Variants in PCDH15 observed in about 807,000 individuals in gnomAD.
PCDH15 encodes the protein protocadherin-15.
Under a neutral mutation model 178.5 loss-of-function variants are expected in PCDH15, and 129 were observed. That is an observed-to-expected ratio of 0.72 (90% CI 0.63 to 0.84). The LOEUF is 0.84. Ranked by LOEUF, PCDH15 falls within the 40% of genes least tolerant of loss-of-function variation. The pLI is 0.00. For missense variants in PCDH15, 2,230 were observed against 2,099.9 expected (o/e 1.06, Z -1.21); for synonymous variants, 800 against 732.0 (o/e 1.09, Z -1.50).
At chr10:54,301,134 C>T (rs1183181999) in intron 8 of PCDH15, among the ~76,000 whole-genome samples, 1 of 152,186 alleles carries the variant, frequency 6.6e-6, no homozygotes, top group African/African-American at 2.4e-5. Flanking sequence ...TCTTTAAGAG[C>T]TGTAACACTC....
intron 1 of PCDH15, among the ~76,000 whole-genome samples, chr10:55,210,143 A>T (rs1840519795): frequency 6.6e-6 from 1 of 152,040 alleles, no homozygotes; most frequent in African/African-American, 2.4e-5. Flanking sequence ...AATGAGATCC[A>T]GAAAAAAAAT....
At chr10:54,304,022 AG>A (rs57616814) in intron 8 of PCDH15, among the ~76,000 whole-genome samples, 8,266 of 152,106 alleles carry the variant, frequency 0.054, 694 homozygotes, top group African/African-American at 0.19. Context: ...CCCATGTTTT[AG>A]CGATTAGGAA....
chr10:55,483,300 A>G (rs117265392), intron 2 of PCDH15, among the ~76,000 whole-genome samples: 2,895 of 151,886 alleles, frequency 0.019, 76 homozygotes, highest in Admixed American at 0.072. Context: ...ATCCATAAAA[A>G]AGTGGGCAAA....
At chr10:54,646,380 G>A (rs955210239) in intron 2 of PCDH15, among the ~76,000 whole-genome samples, 3 of 152,072 alleles carry the variant, frequency 2.0e-5, no homozygotes, top group African/African-American at 7.2e-5. Flanking sequence ...CTGGAACCAA[G>A]CCCCAAGGAT....
intron 2 of PCDH15, among the ~76,000 whole-genome samples, chr10:55,422,553 A>T (rs1838648593): frequency 6.6e-6 from 1 of 151,880 alleles, no homozygotes; most frequent in Non-Finnish European, 1.5e-5. Context: ...TAACCTGCAG[A>T]ACATGTCTCA....
At chr10:55,012,443 A>C (rs996161595) in intron 2 of PCDH15, among the ~76,000 whole-genome samples, 2 of 152,104 alleles carry the variant, frequency 1.3e-5, no homozygotes, top group African/African-American at 4.8e-5. Context: ...CTGTGGCCAT[A>C]TCTTTCTCCT....
At chr10:54,316,552 A>ATG (rs1591763409) in intron 8 of PCDH15, among the ~76,000 whole-genome samples, 2 of 108,850 alleles carry the variant, frequency 1.8e-5, no homozygotes, top group East Asian at 4.0e-4. Context: ...ACACACACAC[A>ATG]CACACACACA....
At chr10:55,617,889 A>G (rs1843511312) in intron 2 of PCDH15, among the ~76,000 whole-genome samples, 1 of 152,048 alleles carries the variant, frequency 6.6e-6, no homozygotes, top group Admixed American at 6.6e-5. Context: ...ATTTTACTCT[A>G]ACTTTTAATT....
chr10:54,940,832 A>G (rs1838042768), intron 2 of PCDH15, among the ~76,000 whole-genome samples: 1 of 151,942 alleles, frequency 6.6e-6, no homozygotes, highest in African/African-American at 2.4e-5. Context: ...ATAGTTTATT[A>G]CTAATATGGT....
chr10:54,687,936 T>A (rs2135749480), intron 1 of PCDH15, among the ~76,000 whole-genome samples: 1 of 152,084 alleles, frequency 6.6e-6, no homozygotes, highest in Admixed American at 6.6e-5. Context: ...TCAAGCCAGG[T>A]AAAAAAGCCC....
chr10:55,238,673 C>T lies in PCDH15; in HGVS notation c.-155-72022G>A, dbSNP rs74897759. ...GGCAGAAAATAATTTATTTTTATTT[C>T]CATTTTATTTTTAAGTTCTTGAATC... On this transcript the variant is annotated intron_variant, in intron 1 of 5. Transcript: ENST00000458638. Among the ~76,000 whole-genome samples, 836 of 151,998 alleles carry T rather than the reference C, an allele frequency of 5.5e-3. 15 individuals carry two copies. The highest frequency in any genetic ancestry group is 0.017 in the African/African-American group (723 of 41,488).
intron 2 of PCDH15, among the ~76,000 whole-genome samples, chr10:55,470,456 ATTTAT>A (rs914891466): frequency 7.2e-5 from 11 of 152,182 alleles, no homozygotes; most frequent in African/African-American, 1.2e-4. Flanking sequence ...TCTTCCTTCT[ATTTAT>A]TTTAAGTAAT....
chr10:55,584,533 T>G (rs544622743), intron 2 of PCDH15, among the ~76,000 whole-genome samples: 1 of 151,632 alleles, frequency 6.6e-6, no homozygotes, highest in Non-Finnish European at 1.5e-5. Flanking sequence ...GGTGGGTGCC[T>G]GTAGTCCCAG....
chr10:54,009,349 A>C (rs772719553), intron 20 of PCDH15, among the ~76,000 whole-genome samples: 1 of 151,970 alleles, frequency 6.6e-6, no homozygotes, highest in Non-Finnish European at 1.5e-5. Context: ...ATCCTGATAA[A>C]ACTCTCCCAA....
intron 2 of PCDH15, among the ~76,000 whole-genome samples, chr10:55,442,470 T>A (rs1016679110): frequency 3.2e-5 from 4 of 124,698 alleles, no homozygotes; most frequent in Non-Finnish European, 6.4e-5. Flanking sequence ...TATATATATA[T>A]TATATATATA....
intron 29 of PCDH15, among the ~76,000 whole-genome samples, chr10:53,837,978 A>G (rs1468759538): frequency 1.3e-5 from 2 of 149,910 alleles, no homozygotes; most frequent in South Asian, 4.2e-4. Flanking sequence ...TTATTTATTT[A>G]TTTATTTATT....
At chr10:55,503,834 G>A (rs1185465824) in intron 2 of PCDH15, among the ~76,000 whole-genome samples, 6 of 151,388 alleles carry the variant, frequency 4.0e-5, no homozygotes, top group Admixed American at 6.6e-5. Context: ...CCATGTTGGA[G>A]ATTCTCTGGC....
In PCDH15 at chr10:55,510,522, G is replaced by A. The variant is rs1013584501; in HGVS notation, c.-156+117103C>T. On this transcript the variant is annotated intron_variant, in intron 2 of 5. Transcript: ENST00000613346. ...AACCTCAAATATTTCAATAACTTGT[G>A]TCCTAATCTTAAAAGTCCATCTTCT... 2.0e-5 allele frequency among the ~76,000 whole-genome samples: 3 copies of A among 151,784 alleles called. No individual in the cohort carries two copies. In the South Asian group the frequency reaches 6.2e-4, roughly 32 times the overall value.
intron 2 of PCDH15, among the ~76,000 whole-genome samples, chr10:54,631,801 A>G (rs2093707594): frequency 6.6e-6 from 1 of 152,100 alleles, no homozygotes; most frequent in South Asian, 2.1e-4. Context: ...CCTTTTTCAT[A>G]AGGAGGCAGG....
Sources: allele counts gnomAD v4.1 joint callset (sites outside exome capture counted in the v4.1 genomes callset), GRCh38; gene constraint gnomAD v4.1.1; transcripts MANE v1.5; gene names NCBI Gene and HGNC (gene_info 2026-07-23, HGNC 2026-07-21).